The following TBL1Y variants were observed in gnomAD, a reference collection of about 807,000 sequenced individuals.
TBL1Y encodes F-box-like/WD repeat-containing protein TBL1Y.
A neutral mutation model predicts 12.0 loss-of-function variants in TBL1Y; 15 were observed. The ratio of observed to expected loss-of-function variants is 1.25; its 90% CI spans 0.83 to 1.92. The LOEUF (loss-of-function observed/expected upper bound fraction) is 1.92, where lower values mean the gene tolerates loss of function less well. TBL1Y is among the 40% of genes most tolerant of loss of function. The pLI is 0.00. For missense variants in TBL1Y, 148 were observed against 116.7 expected (o/e 1.27, Z -1.24); for synonymous variants, 53 against 42.6 (o/e 1.24, Z -0.95).
At chrY:7,035,812 G>C in intron 6 of TBL1Y, among the ~76,000 whole-genome samples, 1 of 32,791 alleles carries the variant, frequency 3.0e-5, no homozygotes. Context: ...GGGGGGATAG[G>C]GGAGTGATAG....
At chrY:7,080,051 GTTTTTTTTTTT>G in intron 13 of TBL1Y, among the ~76,000 whole-genome samples, 12 of 3,938 alleles carry the variant, frequency 3.0e-3, no homozygotes, top group Non-Finnish European at 5.4e-3. Context: ...GGGACTGTTT[GTTTTTTTTTTT>G]TTTTTTTTTT....
At chrY:7,049,781 C>T in intron 7 of TBL1Y, among the ~76,000 whole-genome samples, 1 of 33,171 alleles carries the variant, frequency 3.0e-5, no homozygotes, top group Admixed American at 2.7e-4. Flanking sequence ...CTTTGTCATA[C>T]GGGTAAATTG....
intron 2 of TBL1Y, among the ~76,000 whole-genome samples, chrY:6,970,279 T>G: frequency 3.0e-5 from 1 of 33,212 alleles, no homozygotes; most frequent in South Asian, 6.8e-4. Flanking sequence ...CAACATTAAG[T>G]ACACTTATTT....
At chrY:6,985,730 C>T in intron 3 of TBL1Y, among the ~76,000 whole-genome samples, 3 of 32,603 alleles carry the variant, frequency 9.2e-5, no homozygotes, top group African/African-American at 2.4e-4. Flanking sequence ...GGTGGCAACA[C>T]GCTGTGAGTT....
At chrY:7,064,775 G>A in intron 8 of TBL1Y, among the ~76,000 whole-genome samples, 1 of 33,209 alleles carries the variant, frequency 3.0e-5, no homozygotes, top group African/African-American at 1.2e-4. Flanking sequence ...TGCACTAGTG[G>A]GTGGGAGGGT....
At chrY:7,009,666 G>A in intron 4 of TBL1Y, among the ~76,000 whole-genome samples, 1 of 33,317 alleles carries the variant, frequency 3.0e-5, no homozygotes, top group Non-Finnish European at 7.4e-5. Flanking sequence ...GCAGAACGCT[G>A]TGATAACTCA....
intron 7 of TBL1Y, among the ~76,000 whole-genome samples, chrY:7,053,998 G>A (rs763936401): frequency 2.9e-5 from 1 of 34,371 alleles, no homozygotes; most frequent in East Asian, 7.7e-4. Flanking sequence ...CCAAGGGTCC[G>A]GAGTTGGAAG....
chrY:6,995,748 G>A, intron 3 of TBL1Y, 56 bp from the exon 4 acceptor site: 1 of 28,440 alleles, frequency 3.5e-5, no homozygotes, highest in African/African-American at 1.4e-4. Context: ...ACCACTCCTG[G>A]CTAATTCAGG....
In TBL1Y at chrY:6,980,894, A is replaced by C. The variant is rs759006290; in HGVS notation, c.-235+2651A>C. ...GCATGTGACTGTTTAAGCTTAACTA[A>C]AATTAAGTAAAATTTAAAATTCAGT... On this transcript the variant is annotated intron_variant, in intron 3 of 18. Coordinates refer to ENST00000383032, the MANE Select transcript of TBL1Y (RefSeq NM_033284.2). Among the ~76,000 whole-genome samples the C allele has an allele frequency of 4.2e-4, 14 of 33,490 alleles. No individual in the cohort carries two copies. The East Asian group carries it at 0.01, about 24-fold the overall frequency. The allele number at this position is 33,490 out of a possible 37,273, so 89.9% of individuals were successfully genotyped here.
At chrY:6,995,085 C>T (rs920652275) in intron 3 of TBL1Y, among the ~76,000 whole-genome samples, 1 of 32,846 alleles carries the variant, frequency 3.0e-5, no homozygotes, top group Admixed American at 2.8e-4. Context: ...TCTCTGGCCT[C>T]GGTGGGCATG....
intron 8 of TBL1Y, among the ~76,000 whole-genome samples, chrY:7,066,640 A>G: frequency 1.6e-4 from 5 of 31,647 alleles, no homozygotes; most frequent in Non-Finnish European, 3.0e-4. Flanking sequence ...TGCTGGAATT[A>G]CCGGCGTCAG....
intron 2 of TBL1Y, among the ~76,000 whole-genome samples, chrY:6,923,545 G>A: frequency 3.1e-5 from 1 of 32,486 alleles, no homozygotes; most frequent in Non-Finnish European, 7.5e-5. Context: ...ACAGAGTCTT[G>A]CTCTGTCGCC....
intron 2 of TBL1Y, among the ~76,000 whole-genome samples, chrY:6,970,045 T>C: frequency 6.1e-5 from 2 of 32,600 alleles, no homozygotes; most frequent in African/African-American, 2.4e-4. Flanking sequence ...CCTCCCTTAA[T>C]ACGATATTCT....
chrY:7,064,780 G>A (rs371254614), intron 8 of TBL1Y, among the ~76,000 whole-genome samples: 1 of 33,353 alleles, frequency 3.0e-5, no homozygotes, highest in Non-Finnish European at 7.4e-5. Flanking sequence ...TAGTGGGTGG[G>A]AGGGTGTGTA....
intron 2 of TBL1Y, among the ~76,000 whole-genome samples, chrY:6,924,985 T>C (rs1043831304): frequency 2.9e-5 from 1 of 34,436 alleles, no homozygotes; most frequent in African/African-American, 1.1e-4. Context: ...TTTGGTTTAA[T>C]TCCCATTTTG....
At chrY:7,014,356 C>T in intron 4 of TBL1Y, among the ~76,000 whole-genome samples, 2 of 32,245 alleles carry the variant, frequency 6.2e-5, no homozygotes, top group African/African-American at 2.4e-4. Context: ...ATGGTTGTTT[C>T]GTGAGTCCTC....
intron 7 of TBL1Y, among the ~76,000 whole-genome samples, chrY:7,062,964 A>G (rs753255462): frequency 5.6e-4 from 19 of 33,830 alleles, no homozygotes; most frequent in Non-Finnish European, 1.0e-3. Context: ...GTCTGTGCAC[A>G]GAGTAATCGC....
At chrY:6,917,702 G>GTC in intron 2 of TBL1Y, among the ~76,000 whole-genome samples, 1 of 32,757 alleles carries the variant, frequency 3.1e-5, no homozygotes, top group Non-Finnish European at 7.5e-5. Context: ...ATTGCTAGCT[G>GTC]TCCGAGCTCT....
rs760526347 is a variant in TBL1Y at position 6,934,275 on chromosome Y, A to G, written c.-266+22103A>G. On this transcript the variant is annotated intron_variant, in intron 2 of 18. Transcript: ENST00000383032. Reference sequence around the variant, plus strand: ...CTTCTCTACTTAATACTTATTAGTGAGTGCTAACTCTCCTCCTTTCCTGCC... The same window carrying G: ...CTTCTCTACTTAATACTTATTAGTGGGTGCTAACTCTCCTCCTTTCCTGCC... Among the ~76,000 whole-genome samples the G allele has an allele frequency of 9.2e-5, 3 of 32,752 alleles. No homozygotes were observed. The East Asian group carries it at 2.5e-3, about 27-fold the overall frequency. 87.9% of individuals were successfully genotyped at this position (32,752 alleles called of 37,273 possible).
Sources: gnomAD v4.1 joint callset for allele counts (sites outside exome capture counted in the v4.1 genomes callset) on GRCh38, gnomAD v4.1.1 for gene constraint, MANE v1.5 for transcripts, NCBI Gene and HGNC (gene_info 2026-07-23, HGNC 2026-07-21) for gene names.